The following COMMD10 variants were observed in gnomAD, a reference collection of about 807,000 sequenced individuals.
COMMD10 encodes COMM domain-containing protein 10.
A neutral mutation model predicts 28.9 loss-of-function variants in COMMD10; 33 were observed. The ratio of observed to expected loss-of-function variants is 1.14; its 90% CI spans 0.87 to 1.53. COMMD10 has a LOEUF of 1.53. Ranked by LOEUF, COMMD10 falls within the 40% of genes most tolerant of loss-of-function variation. The pLI is 0.00. For synonymous variants in COMMD10, 110 were observed against 81.7 expected (o/e 1.35, Z -1.87); for missense variants, 310 against 233.4 (o/e 1.33, Z -2.14).
intron 5 of COMMD10, among the ~76,000 whole-genome samples, chr5:116,208,114 A>T (rs1748865472): frequency 6.6e-6 from 1 of 152,118 alleles, no homozygotes; most frequent in Admixed American, 6.5e-5. Context: ...TCTTGCTGAA[A>T]TAAATATAAC....
intron 4 of COMMD10, among the ~76,000 whole-genome samples, chr5:116,106,428 T>G (rs1480054946): frequency 6.6e-6 from 1 of 152,180 alleles, no homozygotes; most frequent in Admixed American, 6.5e-5. Context: ...TTAGAATAAG[T>G]GCGTTATGGT....
At chr5:116,111,961 GTA>G (rs1342634416) in intron 4 of COMMD10, among the ~76,000 whole-genome samples, 1 of 152,102 alleles carries the variant, frequency 6.6e-6, no homozygotes, top group Non-Finnish European at 1.5e-5. Context: ...TTGGGTGCAT[GTA>G]TGTTTAGAAT....
At chr5:116,260,930 C>A (rs1210834870) in intron 5 of COMMD10, among the ~76,000 whole-genome samples, 3 of 151,718 alleles carry the variant, frequency 2.0e-5, no homozygotes, top group Admixed American at 2.0e-4. Context: ...TGTGAAGCAA[C>A]ATGTTCTCTT....
chr5:116,225,022 A>G (rs1355264350), intron 5 of COMMD10, among the ~76,000 whole-genome samples: 3 of 152,182 alleles, frequency 2.0e-5, no homozygotes, highest in Non-Finnish European at 4.4e-5. Flanking sequence ...TCTTTAGTTT[A>G]TGGGGCTTCT....
chr5:116,196,231 T>A (rs570284715), intron 5 of COMMD10, among the ~76,000 whole-genome samples: 2 of 152,232 alleles, frequency 1.3e-5, no homozygotes, highest in South Asian at 4.1e-4. Context: ...TTATTCTAAG[T>A]GAAGTAACTC....
chr5:116,089,793 G>T (rs1403645282), intron 2 of COMMD10, among the ~76,000 whole-genome samples: 2 of 152,204 alleles, frequency 1.3e-5, no homozygotes, highest in Admixed American at 6.5e-5. Context: ...GTGAATACTT[G>T]CCTGCTAAGA....
intron 5 of COMMD10, among the ~76,000 whole-genome samples, chr5:116,263,522 C>T (rs938737106): frequency 3.3e-5 from 5 of 151,616 alleles, no homozygotes; most frequent in African/African-American, 7.3e-5. Flanking sequence ...CAGATCCAGG[C>T]GATAATCAAC....
chr5:116,112,365 A>G (rs1751072625), intron 4 of COMMD10, among the ~76,000 whole-genome samples: 1 of 152,076 alleles, frequency 6.6e-6, no homozygotes, highest in Admixed American at 6.6e-5. Flanking sequence ...CTTCACAGAT[A>G]AGGTGGGTTT....
intron 5 of COMMD10, among the ~76,000 whole-genome samples, chr5:116,220,477 A>G (rs1158510594): frequency 6.7e-6 from 1 of 150,132 alleles, no homozygotes; most frequent in Non-Finnish European, 1.5e-5. Context: ...AAACTTTGGG[A>G]GTGTTAGGGG....
chr5:116,231,190 A>G (rs1749518975), intron 5 of COMMD10, among the ~76,000 whole-genome samples: 2 of 152,136 alleles, frequency 1.3e-5, no homozygotes, highest in Non-Finnish European at 2.9e-5. Context: ...AGTGATGTCA[A>G]TTTGGCACAA....
chr5:116,248,274 G>A (rs1448820277), intron 5 of COMMD10, among the ~76,000 whole-genome samples: 2 of 151,970 alleles, frequency 1.3e-5, no homozygotes, highest in East Asian at 1.9e-4. Context: ...ATTGACTTAA[G>A]TGTAGCTTTT....
intron 4 of COMMD10, among the ~76,000 whole-genome samples, chr5:116,126,169 T>A (rs1751630555): frequency 6.6e-6 from 1 of 152,114 alleles, no homozygotes; most frequent in Non-Finnish European, 1.5e-5. Context: ...GAACTCCCAT[T>A]CACAATTGCT....
intron 5 of COMMD10, among the ~76,000 whole-genome samples, chr5:116,253,878 G>T (rs1002951431): frequency 3.3e-5 from 5 of 150,642 alleles, no homozygotes; most frequent in African/African-American, 1.2e-4. Flanking sequence ...AATGGTACTA[G>T]TTCCTCCTTG....
rs78217442 is a variant in COMMD10, at chr5:116,144,948, C to T, written c.510+10770C>T. Among the ~76,000 whole-genome samples the T allele has an allele frequency of 1.3e-3, 193 of 151,904 alleles. 2 individuals are homozygous for T. In the East Asian group the frequency reaches 0.035, roughly 27 times the overall value. On this transcript the variant is annotated intron_variant, in intron 5 of 6. Coordinates refer to ENST00000274458, the MANE Select transcript of COMMD10 (RefSeq NM_016144.4). ...CAGAATGGAGAGGGATATATTAATA[C>T]ATTTCTTGAGAAAGTGAGATGTGAG...
At chr5:116,211,150 TTATGTGTGTGTTTATG>T (rs1561669159) in intron 5 of COMMD10, among the ~76,000 whole-genome samples, 2 of 152,248 alleles carry the variant, frequency 1.3e-5, no homozygotes, top group East Asian at 3.9e-4. Flanking sequence ...ATAATTATGT[TTATGTGTGTGTTTATG>T]TATATGTATG....
chr5:116,144,013 G>C (rs1208613800), intron 5 of COMMD10, among the ~76,000 whole-genome samples: 1 of 151,864 alleles, frequency 6.6e-6, no homozygotes, highest in Non-Finnish European at 1.5e-5. Flanking sequence ...GGAGGAAAAA[G>C]CACCTGAAAG....
At chr5:116,251,243 AAAATT>A (rs1750105710) in intron 5 of COMMD10, among the ~76,000 whole-genome samples, 1 of 150,776 alleles carries the variant, frequency 6.6e-6, no homozygotes, top group African/African-American at 2.4e-5. Context: ...AGATTTTTCA[AAAATT>A]AAAGCAGACT....
intron 5 of COMMD10, among the ~76,000 whole-genome samples, chr5:116,283,922 G>C (rs1022679183): frequency 6.6e-6 from 1 of 151,680 alleles, no homozygotes; most frequent in African/African-American, 2.4e-5. Context: ...TTGAGCTCAG[G>C]GGTTTGAAAC....
chr5:116,203,814 A>G (rs904233763), intron 5 of COMMD10, among the ~76,000 whole-genome samples: 4 of 152,150 alleles, frequency 2.6e-5, no homozygotes, highest in Non-Finnish European at 5.9e-5. Flanking sequence ...CATCGAGACT[A>G]GGAAGAAACT....
Sources: allele counts gnomAD v4.1 joint callset (sites outside exome capture counted in the v4.1 genomes callset), GRCh38; gene constraint gnomAD v4.1.1; transcripts MANE v1.5; gene names NCBI Gene and HGNC (gene_info 2026-07-23, HGNC 2026-07-21).